The following ANKRA2 variants were observed in gnomAD, a reference collection of about 807,000 sequenced individuals.
ANKRA2 encodes the protein ankyrin repeat family A protein 2.
A neutral mutation model predicts 37.8 loss-of-function variants in ANKRA2; 33 were observed. The observed-to-expected ratio is 0.87, with a 90% CI of 0.66 to 1.17. The LOEUF is 1.17. Among genes scored for constraint, ANKRA2 ranks in the 50% most tolerant of loss-of-function variants. ANKRA2 has a pLI of 0.00. For synonymous variants in ANKRA2, 126 were observed against 132.3 expected, an observed-to-expected ratio of 0.95 and a Z score of 0.33; for missense variants, 326 against 373.7, an observed-to-expected ratio of 0.87 and a Z score of 1.05.
At chr5:73,562,007 GATTT>G (rs1320975714) in intron 2 of ANKRA2, among the ~76,000 whole-genome samples, 4 of 151,816 alleles carry the variant, frequency 2.6e-5, no homozygotes, top group Admixed American at 1.3e-4. Context: ...AAAGGAACAT[GATTT>G]TTTTTCTTAT....
chr5:73,554,238 C>A, intron 7 of ANKRA2, 84 bp downstream of exon 7: 1 of 1,133,904 alleles, frequency 8.8e-7, no homozygotes, highest in Non-Finnish European at 1.3e-6. Flanking sequence ...GTTAATGATT[C>A]TCCTGAGTAG....
In ANKRA2 at chr5:73,562,927, C is replaced by A. The variant is rs186070773; in HGVS notation, c.-46G>T. The A allele has an allele frequency of 2.0e-6, 3 of 1,524,316 alleles. No individual in the cohort carries two copies. The highest frequency in any genetic ancestry group is 4.5e-5 in the East Asian group (2 of 43,980). The allele number at this position is 1,524,316 out of a possible 1,614,324, so 94.4% of individuals were successfully genotyped here. Reference sequence around the variant, plus strand: ...TAACTAAAACATTTCTTCATGATTTCCTCTTGGTTTTGTAAGAGCAGTATC... The same window carrying A: ...TAACTAAAACATTTCTTCATGATTTACTCTTGGTTTTGTAAGAGCAGTATC... On this transcript the variant is annotated 5_prime_UTR_variant, in exon 2 of 9. Transcript: ENST00000296785.
intron 3 of ANKRA2, among the ~76,000 whole-genome samples, chr5:73,560,442 C>T (rs1039230522): frequency 3.9e-5 from 6 of 152,140 alleles, no homozygotes; most frequent in African/African-American, 1.4e-4. Context: ...CTCATTGCAA[C>T]CTGCTCCTCC....
chr5:73,555,244 A>T, intron 5 of ANKRA2: 1 of 1,247,570 alleles, frequency 8.0e-7, no homozygotes, highest in Admixed American at 3.0e-5. Flanking sequence ...TCTCCTTCAA[A>T]GCTGACAGTA....
At chr5:73,558,427 T>C (rs910342398) in intron 3 of ANKRA2, among the ~76,000 whole-genome samples, 16 of 152,256 alleles carry the variant, frequency 1.1e-4, no homozygotes, top group African/African-American at 3.9e-4. Flanking sequence ...TGTCTTTTTA[T>C]TGACTGACCC....
At chr5:73,560,669 A>G (rs1388082515) in intron 3 of ANKRA2, among the ~76,000 whole-genome samples, 1 of 152,230 alleles carries the variant, frequency 6.6e-6, no homozygotes, top group Non-Finnish European at 1.5e-5. Context: ...TACAGGTGTG[A>G]GCCACCATGC....
chr5:73,554,141 T>C (rs1306626891), intron 7 of ANKRA2, among the ~76,000 whole-genome samples, 181 bp downstream of exon 7: 2 of 152,166 alleles, frequency 1.3e-5, no homozygotes, highest in Non-Finnish European at 2.9e-5. Context: ...AGGTGTGGTA[T>C]GTGATGGAGC....
intron 5 of ANKRA2, 120 bp downstream of exon 5, chr5:73,555,368 G>A (rs908184969): frequency 4.5e-5 from 64 of 1,434,544 alleles, no homozygotes; most frequent in Non-Finnish European, 4.6e-5. Context: ...AATATGAAAA[G>A]CATTAAACTT....
At chr5:73,554,049 C>T (rs1747329216) in intron 7 of ANKRA2, among the ~76,000 whole-genome samples, 1 of 152,172 alleles carries the variant, frequency 6.6e-6, no homozygotes, top group African/African-American at 2.4e-5. Flanking sequence ...GGATTACAGG[C>T]TTGAGCCACT....
Position 73,561,006 on chromosome 5 carries a change from A to T in ANKRA2, c.448+124T>A. On this transcript the variant is annotated intron_variant, in intron 3 of 8. Transcript: ENST00000296785. ...CTTTTTTAAGGTTGAATAGTATTCC[A>T]TTGTGTAGTATAACACATTTTCTTT... is the stretch of plus-strand genomic sequence containing the variant. 6 of 1,010,960 alleles carry T rather than the reference A, an allele frequency of 5.9e-6. No homozygotes were observed. The South Asian group carries it at 1.0e-4, about 18-fold the overall frequency. 62.6% of individuals were successfully genotyped at this position (1,010,960 alleles called of 1,614,324 possible).
intron 6 of ANKRA2, 106 bp downstream of exon 6, chr5:73,554,755 G>A (rs1261569939): frequency 6.0e-6 from 8 of 1,335,584 alleles, no homozygotes; most frequent in African/African-American, 2.9e-5. Flanking sequence ...TGTACACCAC[G>A]ATGCTCAGTC....
chr5:73,555,095 G>GAGAA, intron 5 of ANKRA2, 109 bp from the exon 6 acceptor site: 1 of 1,484,428 alleles, frequency 6.7e-7, no homozygotes, highest in South Asian at 1.4e-5. Context: ...AATGTTCTGG[G>GAGAA]CTTAATAAAG....
chr5:73,558,656 C>T (rs557261071), intron 3 of ANKRA2, among the ~76,000 whole-genome samples: 136 of 152,206 alleles, frequency 8.9e-4, no homozygotes, highest in Non-Finnish European at 1.5e-3. Context: ...TGCCTCAGTG[C>T]CCCAAATAGC....
chr5:73,562,494 C>T, intron 2 of ANKRA2, 99 bp downstream of exon 2: 1 of 1,213,400 alleles, frequency 8.2e-7, no homozygotes, highest in African/African-American at 1.5e-5. Flanking sequence ...AAAATGACTT[C>T]TAAACTGTCT....
At chr5:73,562,567 C>A (rs1747584673) in intron 2 of ANKRA2, 26 bp downstream of exon 2, 1 of 1,541,348 alleles carries the variant, frequency 6.5e-7, no homozygotes, top group Non-Finnish European at 8.7e-7. Flanking sequence ...AAAACAAATG[C>A]AGATATTTAT....
chr5:73,560,888 C>T (rs1307829244), intron 3 of ANKRA2, among the ~76,000 whole-genome samples: 1 of 152,142 alleles, frequency 6.6e-6, no homozygotes, highest in Non-Finnish European at 1.5e-5. Flanking sequence ...ATAGTGAGAT[C>T]GTGTGGTATT....
chr5:73,562,598 A>T lies in ANKRA2; in HGVS notation c.284T>A (p.Phe95Tyr). ...NSDLEVASVLFKAECNIHTSP... is the reference protein window; with the variant it reads ...NSDLEVASVLYKAECNIHTSP... ...TTTATACCATAACTTTCAACCTTTA[A>T]ATAGGACAGATGCCACCTCCAGGTC... The change falls in exon 2 of 9, where the codon TTT becomes TAT. Residue 95 changes from phenylalanine to tyrosine, a missense_variant. Physicochemically the swap from Phe to Tyr is conservative, Grantham distance 22 (BLOSUM62 3). Coordinates refer to ENST00000296785, the MANE Select transcript of ANKRA2 (RefSeq NM_023039.5). 1 of 1,611,028 alleles carries T rather than the reference A, an allele frequency of 6.2e-7. No individual in the cohort carries two copies. The highest frequency in any genetic ancestry group is 1.1e-5 in the South Asian group (1 of 90,792).
At chr5:73,556,558 T>G (rs1282959238) in intron 4 of ANKRA2, among the ~76,000 whole-genome samples, 2 of 152,212 alleles carry the variant, frequency 1.3e-5, no homozygotes, top group African/African-American at 4.8e-5. Context: ...AATTTATTTA[T>G]AATCTTGAAA....
chr5:73,552,666 G>T lies in ANKRA2; in HGVS notation c.*131C>A. The T allele has an allele frequency of 2.7e-6, 2 of 740,678 alleles. No individual in the cohort carries two copies. The highest frequency in any genetic ancestry group is 4.6e-6 in the Non-Finnish European group (2 of 439,252). 45.9% of individuals were successfully genotyped at this position (740,678 alleles called of 1,614,324 possible). On this transcript the variant is annotated 3_prime_UTR_variant, in exon 9 of 9. Transcript: ENST00000296785. ...ATTATAAACCAGTGAATTACTCAGA[G>T]AAATATTTATTAAAACCTACTAAAA...
Sources: allele counts gnomAD v4.1 joint callset (sites outside exome capture counted in the v4.1 genomes callset), GRCh38; gene constraint gnomAD v4.1.1; transcripts MANE v1.5; gene names NCBI Gene and HGNC (gene_info 2026-07-23, HGNC 2026-07-21).